Variants in TEKT3 observed in about 807,000 individuals in gnomAD.
The protein encoded by TEKT3 is tektin-3.
A neutral mutation model predicts 49.8 loss-of-function variants in TEKT3; 49 were observed. The ratio of observed to expected loss-of-function variants is 0.98; its 90% CI spans 0.78 to 1.25. The LOEUF (loss-of-function observed/expected upper bound fraction) is 1.25. Ranked by LOEUF, TEKT3 falls within the 50% of genes most tolerant of loss-of-function variation. The probability of loss-of-function intolerance (pLI) is 0.00; values close to 1 mark genes in which losing one functional copy is unlikely to be tolerated. For missense variants in TEKT3, 595 were observed against 629.5 expected (o/e 0.95, Z 0.59); for synonymous variants, 225 against 237.2 (o/e 0.95, Z 0.47).
chr17:15,312,490 G>A lies in TEKT3; in HGVS notation c.879-9C>T. 6.2e-7 allele frequency: 1 copy of A among 1,613,108 alleles called. No homozygotes were observed. Among genetic ancestry groups the A allele is most frequent in the Non-Finnish European group, 8.5e-7 (1 of 1,179,240 alleles). On this transcript the variant is annotated splice_polypyrimidine_tract_variant and intron_variant, in intron 6 of 8. Transcript: ENST00000395930. ...ACTCAGGCACTGAGACACTGAAAAA[G>A]AGAAGCAGAAGCAGACAACAGTGAG... is the stretch of plus-strand genomic sequence containing the variant.
chr17:15,312,154 G>A lies in TEKT3; in HGVS notation c.1101+105C>T, dbSNP rs1910795329. On this transcript the variant is annotated intron_variant, in intron 7 of 8. Coordinates refer to ENST00000395930, the MANE Select transcript of TEKT3 (RefSeq NM_031898.3). ...TTTTCTTGCTCTGTGTGGCCAGGCT[G>A]TCACATGCCTATGGTGCCTCTCTGG... 1.2e-5 allele frequency: 13 copies of A among 1,093,608 alleles called. No homozygotes were observed. The South Asian group carries it at 1.6e-4, about 13-fold the overall frequency. The allele number at this position is 1,093,608 out of a possible 1,614,324, so 67.7% of individuals were successfully genotyped here.
chr17:15,306,083 A>ATATT (rs1910535064), intron 8 of TEKT3, among the ~76,000 whole-genome samples: 1 of 130,572 alleles, frequency 7.7e-6, no homozygotes, highest in South Asian at 2.4e-4. Flanking sequence ...CAGTTTATTT[A>ATATT]TATATATGTG....
At chr17:15,329,189 T>C (rs572994351) in intron 3 of TEKT3, among the ~76,000 whole-genome samples, 3 of 152,374 alleles carry the variant, frequency 2.0e-5, no homozygotes, top group East Asian at 3.9e-4. Flanking sequence ...AGTTATTTCA[T>C]TGATTTAATT....
Position 15,331,043 on chromosome 17 carries a change from C to T in TEKT3, c.543G>A (p.Leu181=), listed in dbSNP as rs536627226. The part of the protein sequence containing the change: ...TNALTDVKKR[L]ERALMETEAP... The stretch of plus-strand genomic sequence containing the variant: ...CTTCAGTCTCCATCAAAGCCCGCTC[C>T]AGTCTTTTCTTCACATCAGTAAGTG... The change falls in exon 3 of 9, where the codon CTG becomes CTA. Residue 181 remains leucine, a synonymous_variant. Coordinates refer to ENST00000395930, the MANE Select transcript of TEKT3 (RefSeq NM_031898.3). 1 of 1,613,770 alleles carries T rather than the reference C, an allele frequency of 6.2e-7. No homozygotes were observed. Among genetic ancestry groups the T allele is most frequent in the South Asian group, 1.1e-5 (1 of 90,992 alleles).
intron 2 of TEKT3, 73 bp from the exon 3 acceptor site, chr17:15,331,687 C>T (rs1444322177): frequency 8.6e-7 from 1 of 1,169,558 alleles, no homozygotes; most frequent in Non-Finnish European, 1.2e-6. Context: ...GATAAAAGGC[C>T]ACATCTGACT....
At chr17:15,329,797 T>G (rs1302598622) in intron 3 of TEKT3, among the ~76,000 whole-genome samples, 3 of 152,216 alleles carry the variant, frequency 2.0e-5, no homozygotes, top group Non-Finnish European at 4.4e-5. Flanking sequence ...CTACAGATGC[T>G]GTGGTAGAGA....
At chr17:15,336,123 CACAT>C (rs199972751) in intron 2 of TEKT3, among the ~76,000 whole-genome samples, 11 of 150,456 alleles carry the variant, frequency 7.3e-5, no homozygotes, top group African/African-American at 2.2e-4. Context: ...CACACACACA[CACAT>C]ACGTGCACAC....
At chr17:15,343,250 A>G (rs1365703130), upstream of TEKT3, among the ~76,000 whole-genome samples, 2 of 152,234 alleles carry the variant, frequency 1.3e-5, no homozygotes, top group Admixed American at 1.3e-4. Context: ...CTTTTCAATG[A>G]TACATTGAGT....
chr17:15,307,770 G>A lies in TEKT3; in HGVS notation c.1256+894C>T, dbSNP rs192042860. 1.9e-4 allele frequency among the ~76,000 whole-genome samples: 29 copies of A among 152,250 alleles called. No homozygotes were observed. In the East Asian group the frequency reaches 5.6e-3, roughly 29 times the overall value. ...TCACGCACTGCCCTTGGCTCCTCCA[G>A]TTGCTATCAAGTTGATTTACTTCTG... On this transcript the variant is annotated intron_variant, in intron 8 of 8. Coordinates refer to ENST00000395930, the MANE Select transcript of TEKT3 (RefSeq NM_031898.3).
At position 15,304,564 on chromosome 17, in the gene TEKT3, CAT is replaced by C. The variant is rs1190618915; in HGVS notation, c.1257-414_1257-413del. 6.6e-6 allele frequency among the ~76,000 whole-genome samples: 1 copy of C among 152,116 alleles called. No individual in the cohort carries two copies. The highest frequency in any genetic ancestry group is 2.4e-5 in the African/African-American group (1 of 41,424). ...GTCCTTTCCATCGACACAGGGCCCACATGTGTTTGTAAGCTGTACCTGCTTAT... is the reference window on the plus strand; with the variant it reads ...GTCCTTTCCATCGACACAGGGCCCACGTGTTTGTAAGCTGTACCTGCTTAT... On this transcript the variant is annotated intron_variant, in intron 8 of 8. Transcript: ENST00000395930. This position sits in a 1 kb window ranked among gnomAD's most constrained non-coding sequence, Gnocchi z 4.7.
intron 2 of TEKT3, among the ~76,000 whole-genome samples, chr17:15,333,947 T>C (rs1262400146): frequency 1.3e-4 from 19 of 151,854 alleles, no homozygotes. Flanking sequence ...GTATTTTTAG[T>C]AGAGTCGGGG....
Position 15,331,254 on chromosome 17 carries a change from T to C in TEKT3, c.332A>G (p.Asn111Ser), listed in dbSNP as rs1239288474. The change falls in exon 3 of 9, where the codon AAC (asparagine) becomes AGC (serine). Residue 111 changes from asparagine to serine, a missense_variant. Coordinates refer to ENST00000395930, the MANE Select transcript of TEKT3 (RefSeq NM_031898.3). Reference sequence around the variant, plus strand: ...TTTCTCCGAATTATGTCGGGAAGTGTTGGACTCTTGATAGTTGGTTAAATT... The same window carrying C: ...TTTCTCCGAATTATGTCGGGAAGTGCTGGACTCTTGATAGTTGGTTAAATT... ...RSNLTNYQES[N>S]TSRHNSEKLR... 6.2e-7 allele frequency: 1 copy of C among 1,614,224 alleles called. No homozygotes were observed. Among genetic ancestry groups the C allele is most frequent in the Non-Finnish European group, 8.5e-7 (1 of 1,180,044 alleles).
intron 4 of TEKT3, among the ~76,000 whole-genome samples, chr17:15,324,700 CAGTT>C (rs141384226): frequency 3.6e-4 from 55 of 152,172 alleles, no homozygotes; most frequent in South Asian, 1.5e-3. Context: ...TTAATTGTGA[CAGTT>C]ATTTATATAT....
At chr17:15,341,768 T>C (rs1597425685), upstream of TEKT3, 1 of 152,312 alleles carries the variant, frequency 6.6e-6, no homozygotes, top group Non-Finnish European at 1.5e-5. Flanking sequence ...GCGGTTACTA[T>C]GGACGCGCTC....
chr17:15,341,451 C>G (rs1423782746), intron 1 of TEKT3, 67 bp downstream of exon 1: 2 of 152,210 alleles, frequency 1.3e-5, no homozygotes, highest in Non-Finnish European at 2.9e-5. Context: ...AGTTGGAGTC[C>G]TGGTTGGCGA....
intron 5 of TEKT3, 141 bp from the exon 6 acceptor site, chr17:15,314,371 A>G (rs1910910861): frequency 8.7e-7 from 1 of 1,149,616 alleles, no homozygotes; most frequent in Admixed American, 2.0e-5. Context: ...TCAATTTCTC[A>G]GTCAAAACGA....
upstream of TEKT3, among the ~76,000 whole-genome samples, chr17:15,341,989 A>G (rs1017176755): frequency 1.3e-5 from 2 of 152,136 alleles, no homozygotes; most frequent in African/African-American, 4.8e-5. Context: ...AGGTGTTGAC[A>G]AGCCCCCACC....
At chr17:15,327,104 A>T (rs1911521926) in intron 4 of TEKT3, among the ~76,000 whole-genome samples, 1 of 152,120 alleles carries the variant, frequency 6.6e-6, no homozygotes, top group Admixed American at 6.6e-5. Context: ...AAAATAGGAA[A>T]ACAAAGGAGT....
In TEKT3 at chr17:15,312,340, G is replaced by T. The variant is rs753128072; in HGVS notation, c.1020C>A (p.Phe340Leu). The change falls in exon 7 of 9, where the codon TTC becomes TTA. Residue 340 changes from phenylalanine to leucine, a missense_variant. By Grantham distance (22) the Phe-to-Leu change is conservative (BLOSUM62 0). Transcript: ENST00000395930. Reference protein sequence around the residue: ...VVTANEMWNQFNKVNLSFTNR... With the variant: ...VVTANEMWNQLNKVNLSFTNR... ...TGGTGAAAGACAAGTTCACTTTGTT[G>T]AATTGATTCCACATCTCATTGGCAG... 1 of 1,614,240 alleles carries T rather than the reference G, an allele frequency of 6.2e-7. No individual in the cohort carries two copies. Among genetic ancestry groups the T allele is most frequent in the Non-Finnish European group, 8.5e-7 (1 of 1,180,042 alleles).
Sources: allele counts gnomAD v4.1 joint callset (sites outside exome capture counted in the v4.1 genomes callset), GRCh38; gene constraint gnomAD v4.1.1; non-coding constraint Gnocchi (gnomAD v3.1); transcripts MANE v1.5; gene names NCBI Gene and HGNC (gene_info 2026-07-23, HGNC 2026-07-21).